GRB2: variants seen among roughly 807,000 people sequenced by gnomAD.
GRB2 encodes the protein growth factor receptor-bound protein 2.
GRB2 carries 2 observed loss-of-function variants against 27.4 expected under a neutral mutation model. The ratio of observed to expected loss-of-function variants is 0.07; its 90% CI spans 0.03 to 0.23. GRB2 has a LOEUF of 0.23. GRB2 is among the 10% of genes least tolerant of loss of function. The pLI, the probability that GRB2 is intolerant of heterozygous loss-of-function variation, is 1.00. For synonymous variants in GRB2, 94 were observed against 99.6 expected (o/e 0.94, Z 0.33); for missense variants, 102 against 282.4 (o/e 0.36, Z 4.58).
At chr17:75,349,329 T>C (rs2078674260) in intron 2 of GRB2, among the ~76,000 whole-genome samples, 2 of 152,122 alleles carry the variant, frequency 1.3e-5, no homozygotes, top group African/African-American at 2.4e-5. Flanking sequence ...CAGGTAACCA[T>C]GCTGGCCATG....
chr17:75,366,967 G>GA (rs1288882878), intron 2 of GRB2, among the ~76,000 whole-genome samples: 2 of 151,038 alleles, frequency 1.3e-5, no homozygotes, highest in Non-Finnish European at 3.0e-5. Context: ...ACTCAAAAAA[G>GA]AAAAAAAAGG....
chr17:75,390,573 G>A (rs1293868902), intron 2 of GRB2, among the ~76,000 whole-genome samples: 1 of 152,214 alleles, frequency 6.6e-6, no homozygotes, highest in East Asian at 1.9e-4. Context: ...TTATAAGAGA[G>A]AGAAACAAAG....
chr17:75,395,485 G>A (rs2079023701), intron 1 of GRB2, among the ~76,000 whole-genome samples: 2 of 152,160 alleles, frequency 1.3e-5, no homozygotes, highest in South Asian at 4.1e-4. Context: ...ACTAATCCGT[G>A]TACATAATTT....
At chr17:75,324,187 A>G (rs919340857) in intron 4 of GRB2, among the ~76,000 whole-genome samples, 4 of 121,924 alleles carry the variant, frequency 3.3e-5, no homozygotes, top group South Asian at 5.6e-4. Context: ...CTAAAACCAA[A>G]TAAGATATTC....
chr17:75,339,295 G>A (rs1319448575), intron 2 of GRB2: 10 of 543,816 alleles, frequency 1.8e-5, no homozygotes, highest in East Asian at 6.7e-5. Context: ...CTGGGTTCAC[G>A]CCATTCTCCT....
At chr17:75,390,888 C>T (rs571638850) in intron 2 of GRB2, among the ~76,000 whole-genome samples, 3 of 152,292 alleles carry the variant, frequency 2.0e-5, no homozygotes, top group South Asian at 2.1e-4. Flanking sequence ...ATATATATGC[C>T]TATTTCAATG....
At position 75,393,683 on chromosome 17, in the gene GRB2, T is replaced by C. The variant is rs2079012453; in HGVS notation, c.-55A>G. ...GAAGCAGGGGGAAGGGAGTCTTCCC[T>C]GCTGAAGCAACCCAGCGCTCTGGGC... On this transcript the variant is annotated 5_prime_UTR_variant, in exon 2 of 6. Transcript: ENST00000316804. 5.0e-6 allele frequency: 7 copies of C among 1,409,718 alleles called. No individual in the cohort carries two copies. The Admixed American group carries it at 1.0e-4, about 20-fold the overall frequency. The allele number at this position is 1,409,718 out of a possible 1,614,324, so 87.3% of individuals were successfully genotyped here. A position where few individuals can be genotyped will look rare whatever the true frequency, so the allele number is the denominator to read the frequency against.
chr17:75,354,603 A>G (rs1368106093), intron 2 of GRB2, among the ~76,000 whole-genome samples: 1 of 152,064 alleles, frequency 6.6e-6, no homozygotes, highest in African/African-American at 2.4e-5. Flanking sequence ...TCGACCCCCC[A>G]CTTCCATGGA....
At chr17:75,385,642 A>G (rs996472705) in intron 2 of GRB2, among the ~76,000 whole-genome samples, 10 of 152,252 alleles carry the variant, frequency 6.6e-5, no homozygotes, top group African/African-American at 2.4e-4. Context: ...TGGGCAAATT[A>G]AGCCTCAGAT....
intron 1 of GRB2, among the ~76,000 whole-genome samples, chr17:75,404,439 A>T (rs76409794): frequency 1.3e-5 from 2 of 151,794 alleles, no homozygotes; most frequent in African/African-American, 2.4e-5. Context: ...AAAAAGACGG[A>T]ATCTTGAAAT....
rs1216139865 is a variant in GRB2, at chr17:75,321,801, T to C, written c.326A>G (p.Lys109Arg). The change falls in exon 5 of 6, where the codon AAG becomes AGG. Residue 109 changes from lysine to arginine, a missense_variant. By Grantham distance (26) the Lys-to-Arg change is conservative. Transcript: ENST00000316804. The part of the protein sequence containing the change: ...VKFGNDVQHF[K>R]VLRDGAGKYF... ...CTTCCCGGCTCCATCTCGGAGCACC[T>C]TGAAGTGCTGCACATCGTTTCCAAA... 2.5e-6 allele frequency: 4 copies of C among 1,613,904 alleles called. No homozygotes were observed. Among genetic ancestry groups the C allele is most frequent in the Non-Finnish European group, 2.5e-6 (3 of 1,179,996 alleles).
At chr17:75,324,952 T>G (rs772302366) in intron 4 of GRB2, among the ~76,000 whole-genome samples, 1 of 152,110 alleles carries the variant, frequency 6.6e-6, no homozygotes, top group South Asian at 2.1e-4. Flanking sequence ...GTCAGGCACC[T>G]GTAATCCCAG....
chr17:75,363,081 CCATATTT>C, intron 2 of GRB2, among the ~76,000 whole-genome samples: 1 of 152,206 alleles, frequency 6.6e-6, no homozygotes, highest in South Asian at 2.1e-4. Context: ...GTTCTGGACA[CCATATTT>C]CATAATCTAT....
At chr17:75,395,625 G>T (rs928842345) in intron 1 of GRB2, among the ~76,000 whole-genome samples, 7 of 151,984 alleles carry the variant, frequency 4.6e-5, no homozygotes, top group Non-Finnish European at 8.8e-5. Flanking sequence ...AAATCTTGTG[G>T]TCAATGCACA....
chr17:75,328,846 G>C (rs2078518752), intron 3 of GRB2, among the ~76,000 whole-genome samples: 1 of 151,934 alleles, frequency 6.6e-6, no homozygotes, highest in East Asian at 1.9e-4. Flanking sequence ...GCTGAGGCAG[G>C]AGAATGGAGT....
At chr17:75,373,872 C>T (rs144143150) in intron 2 of GRB2, 6 of 138,240 alleles carry the variant, frequency 4.3e-5, no homozygotes, top group African/African-American at 1.6e-4. Context: ...CGGCTCACTG[C>T]AAGCTCCGCT....
chr17:75,322,373 A>C (rs1484205682), intron 4 of GRB2, among the ~76,000 whole-genome samples: 1 of 105,054 alleles, frequency 9.5e-6, no homozygotes, highest in African/African-American at 3.0e-5. Context: ...ACTCTGTCTC[A>C]AAAAAAAAAA....
At chr17:75,347,201 C>G (rs1598229552) in intron 2 of GRB2, among the ~76,000 whole-genome samples, 2 of 152,118 alleles carry the variant, frequency 1.3e-5, no homozygotes, top group South Asian at 4.1e-4. Context: ...CGGCAGGAGG[C>G]AGACAAATGC....
intron 1 of GRB2, among the ~76,000 whole-genome samples, chr17:75,399,599 C>T (rs976157083): frequency 2.0e-5 from 3 of 151,770 alleles, no homozygotes; most frequent in Admixed American, 6.6e-5. Flanking sequence ...AACTCCTGAC[C>T]TCGTGATCCA....
Sources: gnomAD v4.1 joint callset for allele counts (sites outside exome capture counted in the v4.1 genomes callset) on GRCh38, gnomAD v4.1.1 for gene constraint, MANE v1.5 for transcripts, NCBI Gene and HGNC (gene_info 2026-07-23, HGNC 2026-07-21) for gene names.